SERPINI1: variants seen among roughly 807,000 people sequenced by gnomAD.
SERPINI1 encodes serpin family I member 1.
A neutral mutation model predicts 41.1 loss-of-function variants in SERPINI1; 19 were observed. The ratio of observed to expected loss-of-function variants is 0.46; its 90% CI spans 0.32 to 0.68. The LOEUF (loss-of-function observed/expected upper bound fraction) is 0.68. Ranked by LOEUF, SERPINI1 falls within the 30% of genes least tolerant of loss-of-function variation. The pLI is 0.03. For synonymous variants in SERPINI1, 138 were observed against 156.6 expected, an observed-to-expected ratio of 0.88 and a Z score of 0.89; for missense variants, 460 against 479.2, an observed-to-expected ratio of 0.96 and a Z score of 0.37.
intron 6 of SERPINI1, among the ~76,000 whole-genome samples, chr3:167,812,145 A>G (rs1171385250): frequency 6.6e-6 from 1 of 152,156 alleles, no homozygotes; most frequent in African/African-American, 2.4e-5. Flanking sequence ...GTTGTAGACT[A>G]TTTCAATAGC....
At chr3:167,759,306 A>G (rs879536880) in intron 1 of SERPINI1, among the ~76,000 whole-genome samples, 2 of 151,604 alleles carry the variant, frequency 1.3e-5, no homozygotes, top group African/African-American at 2.4e-5. Context: ...TATCAAAAAG[A>G]CACCTTACTC....
chr3:167,746,652 A>G (rs1332131723), intron 1 of SERPINI1, among the ~76,000 whole-genome samples: 1 of 152,240 alleles, frequency 6.6e-6, no homozygotes, highest in Non-Finnish European at 1.5e-5. Flanking sequence ...ATATGAATAA[A>G]TACAGAGCAT....
At chr3:167,786,599 G>C (rs879541433) in intron 1 of SERPINI1, among the ~76,000 whole-genome samples, 1 of 151,374 alleles carries the variant, frequency 6.6e-6, no homozygotes, top group African/African-American at 2.4e-5. Context: ...ATGGGTAGAA[G>C]TTTTCTGGGT....
At chr3:167,756,057 C>A (rs1442631831) in intron 1 of SERPINI1, among the ~76,000 whole-genome samples, 1 of 151,280 alleles carries the variant, frequency 6.6e-6, no homozygotes, top group Admixed American at 6.6e-5. Context: ...CTGACCCCTG[C>A]CCCCAACCCC....
intron 1 of SERPINI1, among the ~76,000 whole-genome samples, chr3:167,772,556 C>T (rs550027008): frequency 3.3e-5 from 5 of 151,950 alleles, no homozygotes; most frequent in South Asian, 4.2e-4. Flanking sequence ...CATGGCAACC[C>T]GATGTCCATC....
At chr3:167,750,215 T>C (rs958736179) in intron 1 of SERPINI1, among the ~76,000 whole-genome samples, 2 of 152,194 alleles carry the variant, frequency 1.3e-5, no homozygotes, top group African/African-American at 4.8e-5. Context: ...TTTCTGGATG[T>C]CACTACATGT....
chr3:167,787,047 A>C (rs917825838), intron 1 of SERPINI1, among the ~76,000 whole-genome samples: 11 of 152,038 alleles, frequency 7.2e-5, no homozygotes, highest in African/African-American at 2.7e-4. Context: ...TTTTATTTTT[A>C]TATTTTTACT....
At chr3:167,790,632 G>C (rs941797225) in intron 3 of SERPINI1, 30 bp downstream of exon 3, 7 of 1,507,596 alleles carry the variant, frequency 4.6e-6, no homozygotes, top group Non-Finnish European at 6.4e-6. Context: ...TCTTCCTCTA[G>C]TAGCTTAGTT....
chr3:167,759,400 G>GTATATACATATATATA (rs1553771739), intron 1 of SERPINI1, among the ~76,000 whole-genome samples: 1 of 121,118 alleles, frequency 8.3e-6, no homozygotes, highest in Non-Finnish European at 1.8e-5. Flanking sequence ...AGAAAATGTG[G>GTATATACATATATATA]TATATATATA....
chr3:167,751,575 A>G (rs1245776095), intron 1 of SERPINI1, among the ~76,000 whole-genome samples: 4 of 152,196 alleles, frequency 2.6e-5, no homozygotes, highest in Non-Finnish European at 5.9e-5. Context: ...GAAAAATTTG[A>G]GATGTGTTAA....
intron 1 of SERPINI1, among the ~76,000 whole-genome samples, chr3:167,783,569 A>T (rs1282731519): frequency 6.6e-6 from 1 of 152,196 alleles, no homozygotes; most frequent in Non-Finnish European, 1.5e-5. Flanking sequence ...TGGGCATGAG[A>T]AGTGTACTAC....
At chr3:167,802,593 G>T (rs1325911977) in intron 5 of SERPINI1, among the ~76,000 whole-genome samples, 5 of 151,558 alleles carry the variant, frequency 3.3e-5, no homozygotes, top group African/African-American at 9.7e-5. Flanking sequence ...TCTCACACCA[G>T]TTAGAATGGC....
intron 1 of SERPINI1, among the ~76,000 whole-genome samples, chr3:167,753,222 A>G (rs573736881): frequency 2.0e-4 from 31 of 152,226 alleles, no homozygotes; most frequent in Admixed American, 3.9e-4. Context: ...TTCAAATCCC[A>G]TCTTTGTTTT....
chr3:167,773,752 A>C (rs1726870253), intron 1 of SERPINI1, among the ~76,000 whole-genome samples: 1 of 152,242 alleles, frequency 6.6e-6, no homozygotes, highest in Non-Finnish European at 1.5e-5. Flanking sequence ...TAGCTTTAGC[A>C]CAGTGTTAGT....
At chr3:167,781,895 A>G (rs1413659903) in intron 1 of SERPINI1, among the ~76,000 whole-genome samples, 1 of 151,968 alleles carries the variant, frequency 6.6e-6, no homozygotes. Context: ...TCATACCTCA[A>G]TTACAAGAAG....
chr3:167,738,938 A>G (rs997973903), intron 1 of SERPINI1, among the ~76,000 whole-genome samples: 1 of 151,812 alleles, frequency 6.6e-6, no homozygotes, highest in Non-Finnish European at 1.5e-5. Flanking sequence ...AAAATATCAA[A>G]AAGTAAATAC....
intron 5 of SERPINI1, among the ~76,000 whole-genome samples, chr3:167,801,612 AC>A (rs35985213): frequency 0.34 from 52,175 of 151,784 alleles, 10,037 homozygotes; most frequent in African/African-American, 0.52. Context: ...AGATAATGAC[AC>A]TTATCTCATA....
chr3:167,780,015 G>C (rs557944143), intron 1 of SERPINI1, among the ~76,000 whole-genome samples: 1 of 152,088 alleles, frequency 6.6e-6, no homozygotes, highest in Non-Finnish European at 1.5e-5. Context: ...TTGGCTTTAA[G>C]AGGCATCTCA....
chr3:167,785,500 T>C (rs1190375987), intron 1 of SERPINI1, among the ~76,000 whole-genome samples: 1 of 152,162 alleles, frequency 6.6e-6, no homozygotes, highest in Non-Finnish European at 1.5e-5. Context: ...TAAAGATGGC[T>C]TGGGCTCTAA....
Sources: allele counts gnomAD v4.1 joint callset (sites outside exome capture counted in the v4.1 genomes callset), GRCh38; gene constraint gnomAD v4.1.1; transcripts MANE v1.5; gene names NCBI Gene and HGNC (gene_info 2026-07-23, HGNC 2026-07-21).